CAST: variants seen among roughly 807,000 people sequenced by gnomAD.
CAST encodes MIR583 host.
A neutral mutation model predicts 119.6 loss-of-function variants in CAST; 76 were observed. The observed-to-expected ratio is 0.64, with a 90% CI of 0.53 to 0.77. The LOEUF (loss-of-function observed/expected upper bound fraction) is 0.77, where lower values mean the gene tolerates loss of function less well. Ranked by LOEUF, CAST falls within the 30% of genes least tolerant of loss-of-function variation. The pLI is 0.00. For missense variants in CAST, 953 were observed against 946.5 expected, an observed-to-expected ratio of 1.01 and a Z score of -0.09; for synonymous variants, 319 against 331.6, an observed-to-expected ratio of 0.96 and a Z score of 0.41.
the CAST span, among the ~76,000 whole-genome samples, chr5:96,272,567 G>A: frequency 6.6e-6 from 1 of 152,144 alleles, no homozygotes; most frequent in Non-Finnish European, 1.5e-5. Flanking sequence ...CATGAAGACA[G>A]AGAGTAGATA....
the CAST span, among the ~76,000 whole-genome samples, chr5:96,454,224 T>A: frequency 6.6e-5 from 10 of 152,306 alleles, no homozygotes; most frequent in East Asian, 1.9e-3. Flanking sequence ...ACCTTATTAA[T>A]CCTGATAACA....
the CAST span, among the ~76,000 whole-genome samples, chr5:96,482,575 C>T: frequency 6.6e-6 from 1 of 151,856 alleles, no homozygotes; most frequent in African/African-American, 2.4e-5. Context: ...GAATTCTATG[C>T]ATTCTGTAGT....
At chr5:96,527,262 T>C (rs1227315938), upstream of CAST, among the ~76,000 whole-genome samples, 1 of 152,168 alleles carries the variant, frequency 6.6e-6, no homozygotes, top group Non-Finnish European at 1.5e-5. Flanking sequence ...AATGAGGAAT[T>C]TCCTTGTGAG....
the CAST span, among the ~76,000 whole-genome samples, chr5:96,387,982 A>G: frequency 7.9e-3 from 1,200 of 152,318 alleles, 11 homozygotes; most frequent in Non-Finnish European, 0.013. Context: ...ATTCCTTTCA[A>G]GATTGGGGGT....
At chr5:96,039,231 T>A in the CAST span, among the ~76,000 whole-genome samples, 2 of 152,192 alleles carry the variant, frequency 1.3e-5, no homozygotes, top group Non-Finnish European at 1.5e-5. Flanking sequence ...TTTGCTTTTT[T>A]CTTGTAAACT....
chr5:96,278,880 TTCA>T, the CAST span: 5 of 152,192 alleles, frequency 3.3e-5, no homozygotes, highest in Non-Finnish European at 7.3e-5. Flanking sequence ...ATCCACATAT[TTCA>T]TCTACTATCT....
the CAST span, among the ~76,000 whole-genome samples, chr5:96,068,114 C>T: frequency 2.4e-4 from 36 of 152,116 alleles, no homozygotes; most frequent in African/African-American, 7.2e-4. Flanking sequence ...GGCTGGCCTA[C>T]GCTTCATAAC....
At chr5:96,328,831 T>C in the CAST span, among the ~76,000 whole-genome samples, 30 of 152,290 alleles carry the variant, frequency 2.0e-4, 1 homozygote, top group East Asian at 5.8e-3. Context: ...AATCATCAGG[T>C]AAAGCTCTGC....
the CAST span, among the ~76,000 whole-genome samples, chr5:96,225,047 A>T: frequency 6.6e-6 from 1 of 152,204 alleles, no homozygotes; most frequent in African/African-American, 2.4e-5. Context: ...TTACATGTTG[A>T]TGGCGTGGAG....
intron 28 of CAST, 51 bp from the exon 29 acceptor site, chr5:96,767,856 G>A (rs759517420): frequency 9.1e-7 from 1 of 1,099,886 alleles, no homozygotes; most frequent in Non-Finnish European, 1.4e-6. Flanking sequence ...ACCCCATATT[G>A]CATTTTGCCT....
chr5:96,378,764 C>T, the CAST span, among the ~76,000 whole-genome samples: 1 of 151,950 alleles, frequency 6.6e-6, no homozygotes, highest in African/African-American at 2.4e-5. Flanking sequence ...TGTCCTTTCC[C>T]CACACTTTAA....
chr5:96,720,305 T>G lies in CAST; in HGVS notation c.211-2334T>G, dbSNP rs114954335. ...ATCTATGGATTAACCCTTCACAATT[T>G]TTTATTATAAATGTTATCCACATCA... On this transcript the variant is annotated intron_variant, in intron 3 of 31. Transcript: ENST00000675179. Among the ~76,000 whole-genome samples, 1,417 of 152,348 alleles carry G rather than the reference T, an allele frequency of 9.3e-3. 6 individuals carry two copies. Among genetic ancestry groups the G allele is most frequent in the African/African-American group, 0.014 (601 of 41,584 alleles).
chr5:96,547,094 T>C (rs557700752), intron 1 of CAST, among the ~76,000 whole-genome samples: 10 of 151,872 alleles, frequency 6.6e-5, no homozygotes, highest in African/African-American at 2.2e-4. Flanking sequence ...AGAGACACCA[T>C]TCACTTTATG....
the CAST span, among the ~76,000 whole-genome samples, chr5:96,504,524 CTT>C: frequency 0.013 from 1,857 of 146,550 alleles, 41 homozygotes; most frequent in African/African-American, 0.041. Context: ...GCTTAGAATA[CTT>C]TTTTTTTTTT....
At chr5:96,298,505 G>A in the CAST span, among the ~76,000 whole-genome samples, 1 of 152,174 alleles carries the variant, frequency 6.6e-6, no homozygotes, top group East Asian at 1.9e-4. Flanking sequence ...TTATTTCTGT[G>A]TATTGCTGTG....
the CAST span, among the ~76,000 whole-genome samples, chr5:96,192,601 A>G: frequency 3.3e-5 from 5 of 152,200 alleles, no homozygotes; most frequent in African/African-American, 4.8e-5. Context: ...TTAAGTGCTT[A>G]AAATATTTGC....
At chr5:96,220,625 T>G in the CAST span, among the ~76,000 whole-genome samples, 1 of 152,234 alleles carries the variant, frequency 6.6e-6, no homozygotes, top group African/African-American at 2.4e-5. Flanking sequence ...ATTATTTCTG[T>G]AAGACATTTT....
chr5:96,657,245 G>T (rs1748177116), upstream of CAST, among the ~76,000 whole-genome samples: 1 of 152,152 alleles, frequency 6.6e-6, no homozygotes, highest in Non-Finnish European at 1.5e-5. Flanking sequence ...TGTGTGGTTT[G>T]GGTGTGGCGG....
the CAST span, among the ~76,000 whole-genome samples, chr5:96,486,088 A>G: frequency 6.6e-6 from 1 of 152,158 alleles, no homozygotes; most frequent in Non-Finnish European, 1.5e-5. Flanking sequence ...ATTAATACAG[A>G]GTAGATCAGG....
Sources: gnomAD v4.1 joint callset for allele counts (sites outside exome capture counted in the v4.1 genomes callset) on GRCh38, gnomAD v4.1.1 for gene constraint, MANE v1.5 for transcripts, NCBI Gene and HGNC (gene_info 2026-07-23, HGNC 2026-07-21) for gene names.